The following RYR1 variants were observed in gnomAD, a reference collection of about 807,000 sequenced individuals.
RYR1 encodes ryanodine receptor 1.
RYR1 carries 342 observed loss-of-function variants against 583.5 expected under a neutral mutation model. The ratio of observed to expected loss-of-function variants is 0.59; its 90% CI spans 0.54 to 0.64. The LOEUF (loss-of-function observed/expected upper bound fraction) is 0.64. Ranked by LOEUF, RYR1 falls within the 30% of genes least tolerant of loss-of-function variation. The pLI is 0.00. For synonymous variants in RYR1, 2,791 were observed against 2,822.5 expected, an observed-to-expected ratio of 0.99 and a Z score of 0.35; for missense variants, 6,032 against 6,917.2, an observed-to-expected ratio of 0.87 and a Z score of 4.54.
chr19:38,447,401 T>C (rs964145524), intron 9 of RYR1, among the ~76,000 whole-genome samples: 4 of 149,528 alleles, frequency 2.7e-5, no homozygotes, highest in Non-Finnish European at 5.9e-5. Flanking sequence ...ATTTGCCTGG[T>C]GTGGTGGTGG....
chr19:38,504,810 GC>G lies in RYR1; in HGVS notation c.8136del (p.Asp2713ThrfsTer33). 1 of 1,614,014 alleles carries G rather than the reference GC, an allele frequency of 6.2e-7. No individual in the cohort carries two copies. Among genetic ancestry groups the G allele is most frequent in the Non-Finnish European group, 8.5e-7 (1 of 1,179,992 alleles). The stretch of plus-strand genomic sequence containing the variant: ...GTCTGTGCGCCATTGCCGGGGCTCT[GC>G]CCCCCGACTATGTGGATGCCTCATA... The part of the protein sequence containing the change: ...PCLCAIAGAL[P>X]PDYVDASYSS... On this transcript the variant is annotated frameshift_variant, in exon 51 of 106. Coordinates refer to ENST00000359596, the MANE Select transcript of RYR1 (RefSeq NM_000540.3). LOFTEE classifies it high-confidence loss of function.
chr19:38,460,283 T>C (rs982750730), intron 19 of RYR1, 92 bp from the exon 20 acceptor site: 7 of 1,208,018 alleles, frequency 5.8e-6, no homozygotes, highest in Admixed American at 5.1e-5. Context: ...GAACTTTCCA[T>C]TGATCCCAGG....
chr19:38,504,189 A>G (rs1481578914), intron 49 of RYR1, 31 bp from the exon 50 acceptor site: 20 of 1,595,074 alleles, frequency 1.3e-5, no homozygotes, highest in Non-Finnish European at 1.7e-5. Flanking sequence ...TGCCCCCCTC[A>G]TTTGTGTGTC....
rs899136935 is a variant in RYR1 at position 38,519,131 on chromosome 19, T to C, written c.10019-83T>C. 9.9e-6 allele frequency: 16 copies of C among 1,609,152 alleles called. No homozygotes were observed. In the African/African-American group the frequency reaches 2.1e-4, roughly 22 times the overall value. On this transcript the variant is annotated intron_variant, in intron 66 of 105. Coordinates refer to ENST00000359596, the MANE Select transcript of RYR1 (RefSeq NM_000540.3). Reference sequence around the variant, plus strand: ...ATGGCAGCTGCTAGGTTGGAGATGCTGTTTGGGAGTCGGGCTGGGAACGGA... The same window carrying C: ...ATGGCAGCTGCTAGGTTGGAGATGCCGTTTGGGAGTCGGGCTGGGAACGGA...
chr19:38,543,510 AC>A lies in RYR1; in HGVS notation c.11779-21del, dbSNP rs759670631. 1 of 1,613,988 alleles carries A rather than the reference AC, an allele frequency of 6.2e-7. No individual in the cohort carries two copies. Among genetic ancestry groups the A allele is most frequent in the Admixed American group, 1.7e-5 (1 of 59,998 alleles). ...CCATGGTCGGCCCCAGCACCCCCTC[AC>A]ACCCTACCCGCCCCCACCAGGAATC... On this transcript the variant is annotated intron_variant, in intron 85 of 105. Coordinates refer to ENST00000359596, the MANE Select transcript of RYR1 (RefSeq NM_000540.3). This position sits in a 1 kb window ranked among gnomAD's most constrained non-coding sequence, Gnocchi z 4.4.
chr19:38,562,772 G>A lies in RYR1; in HGVS notation c.12624+1318G>A, dbSNP rs546158815. On this transcript the variant is annotated intron_variant, in intron 90 of 105. Coordinates refer to ENST00000359596, the MANE Select transcript of RYR1 (RefSeq NM_000540.3). ...TTGCACACCTGCCCCGTGTGCCCACGTCCACCGTGCACACTGAGCCTCTCG... is the reference window on the plus strand; with the variant it reads ...TTGCACACCTGCCCCGTGTGCCCACATCCACCGTGCACACTGAGCCTCTCG... Among the ~76,000 whole-genome samples the A allele has an allele frequency of 4.6e-5, 7 of 152,198 alleles. No homozygotes were observed. The East Asian group carries it at 5.8e-4, about 13-fold the overall frequency.
rs2302297 is a variant in RYR1 at position 38,586,114 on chromosome 19, C to T, written c.14892C>T (p.Ile4964=). The T allele has an allele frequency of 1.5e-5, 24 of 1,614,000 alleles. No individual in the cohort carries two copies. The highest frequency in any genetic ancestry group is 3.3e-4 in the Middle Eastern group (2 of 6,082). Residue 4964 remains isoleucine, a synonymous_variant, in exon 104 of 106, where the codon ATC becomes ATT. Coordinates refer to ENST00000359596, the MANE Select transcript of RYR1 (RefSeq NM_000540.3). ...DMETKCFICG[I]GSDYFDTTPH... ...AGACCAAGTGCTTCATCTGTGGAAT[C>T]GGCAGTGACTACTTTGATACGACAC...
chr19:38,503,465 C>G (rs1216380970), intron 49 of RYR1, among the ~76,000 whole-genome samples: 2 of 152,162 alleles, frequency 1.3e-5, no homozygotes, highest in Non-Finnish European at 2.9e-5. Flanking sequence ...ACATCGAAAT[C>G]AGCTCCTATT....
chr19:38,559,221 T>C (rs370917330), intron 89 of RYR1, among the ~76,000 whole-genome samples: 1,647 of 142,550 alleles, frequency 0.012, 33 homozygotes, highest in African/African-American at 0.04. Context: ...TGTGGAGAGG[T>C]GGGCTTCTTT....
At chr19:38,548,146 T>C (rs1972512005) in intron 88 of RYR1, 87 bp from the exon 89 acceptor site, 1 of 1,432,220 alleles carries the variant, frequency 7.0e-7, no homozygotes, top group African/African-American at 1.4e-5. Flanking sequence ...AGCAGCGTGG[T>C]GGCTCCTGGG....
At chr19:38,505,147 TTCCCTGAGGCCCCAGATC>T (rs1223509518) in intron 52 of RYR1, 66 bp downstream of exon 52, 4 of 1,456,744 alleles carry the variant, frequency 2.7e-6, no homozygotes, top group Admixed American at 1.7e-5. Flanking sequence ...GACCTGGTTC[TTCCCTGAGGCCCCAGATC>T]TCCCTGAGAC....
Position 38,512,138 on chromosome 19 carries a change from G to T in RYR1, c.9233+6G>T, listed in dbSNP as rs1970756093. 1.2e-6 allele frequency: 2 copies of T among 1,614,040 alleles called. No individual in the cohort carries two copies. Among genetic ancestry groups the T allele is most frequent in the African/African-American group, 1.3e-5 (1 of 74,916 alleles). On this transcript the variant is annotated splice_donor_region_variant and intron_variant, in intron 62 of 105. Coordinates refer to ENST00000359596, the MANE Select transcript of RYR1 (RefSeq NM_000540.3). The surrounding 1 kb of genome is among the most constrained non-coding windows in gnomAD (Gnocchi z 5.1). The stretch of plus-strand genomic sequence containing the variant: ...GCCCGCTCCCTGGATGCCAGGTAGG[G>T]CCATAGGCAGTGGCGCCCACTCCCA...
At chr19:38,446,859 T>A (rs1972968663) in intron 9 of RYR1, 91 bp downstream of exon 9, 1 of 1,019,332 alleles carries the variant, frequency 9.8e-7, no homozygotes, top group East Asian at 2.5e-5. Context: ...GAAGATCTGA[T>A]AAAGAGACTG....
chr19:38,519,403 G>A lies in RYR1; in HGVS notation c.10208G>A (p.Arg3403Gln), dbSNP rs777437090. 2.5e-6 allele frequency: 4 copies of A among 1,603,222 alleles called. No homozygotes were observed. The South Asian group carries it at 3.3e-5, about 13-fold the overall frequency. Residue 3403 changes from arginine to glutamine, a missense_variant, in exon 67 of 106, where the codon CGG becomes CAG. Physicochemically the swap from Arg to Gln is conservative, Grantham distance 43. Transcript: ENST00000359596. ...CGGGACGAGTTCTCTGTGCTCTGCC[G>A]GGACCTCTACGCCCTGTATCCGCTG... is the stretch of plus-strand genomic sequence containing the variant. ...LVRDEFSVLCRDLYALYPLLI... is the reference protein window; with the variant it reads ...LVRDEFSVLCQDLYALYPLLI...
chr19:38,497,641 A>G (rs1482835955), intron 42 of RYR1, among the ~76,000 whole-genome samples: 1 of 152,208 alleles, frequency 6.6e-6, no homozygotes, highest in East Asian at 1.9e-4. Context: ...ATGTAGTGTT[A>G]GCTTACCATA....
chr19:38,448,775 G>T lies in RYR1; in HGVS notation c.1084G>T (p.Asp362Tyr). Residue 362 changes from aspartate (D) to tyrosine (Y), a missense_variant, in exon 11 of 106, where the codon GAC becomes TAC. By Grantham distance (160) the Asp-to-Tyr change is radical (BLOSUM62 -3). This residue lies in a region of RYR1 where 338 missense variants were observed against 441.6 expected (regional missense o/e 0.77). Transcript: ENST00000359596. Reference protein sequence around the residue: ...SGLWLTYAAPDPKALRLGVLK... With the variant: ...SGLWLTYAAPYPKALRLGVLK... ...ACTGTGGCTCACCTATGCTGCTCCA[G>T]ACCCCAAGGCCCTGCGGCTCGGCGT... The T allele has an allele frequency of 6.2e-7, 1 of 1,614,182 alleles. No individual in the cohort carries two copies. Among genetic ancestry groups the T allele is most frequent in the Non-Finnish European group, 8.5e-7 (1 of 1,180,048 alleles).
At chr19:38,484,417 TTCCC>T (rs1969175206) in intron 33 of RYR1, among the ~76,000 whole-genome samples, 1 of 146,852 alleles carries the variant, frequency 6.8e-6, no homozygotes, top group African/African-American at 2.7e-5. Context: ...CCTTCCTTCC[TTCCC>T]CTCTCCCTCC....
At position 38,442,361 on chromosome 19, in the gene RYR1, G is replaced by A. The variant is rs118192160; in HGVS notation, c.178G>A (p.Asp60Asn). The change falls in exon 3 of 106, where the codon GAT becomes AAT. Residue 60 changes from aspartate to asparagine, a missense_variant. Around this residue, in one of 11 missense-constraint regions of RYR1, gnomAD observed 6 missense variants for 30.2 expected, o/e 0.20. Coordinates refer to ENST00000359596, the MANE Select transcript of RYR1 (RefSeq NM_000540.3). ...CCTCCCACCCCAGAATGTGCCCCCC[G>A]ATCTGGCCATCTGTTGCTTCGTCCT... is the stretch of plus-strand genomic sequence containing the variant. ...PTSNAQNVPP[D>N]LAICCFVLEQ... 12 of 1,580,018 alleles carry A rather than the reference G, an allele frequency of 7.6e-6. No homozygotes were observed. The highest frequency in any genetic ancestry group is 1.1e-5 in the South Asian group (1 of 90,370).
intron 102 of RYR1, 53 bp from the exon 103 acceptor site, chr19:38,585,885 G>A (rs1974462666): frequency 1.9e-6 from 3 of 1,607,320 alleles, no homozygotes; most frequent in Middle Eastern, 1.7e-4. Flanking sequence ...TGGAGAGGGG[G>A]GAGTCTGAAC....
Sources: allele counts gnomAD v4.1 joint callset (sites outside exome capture counted in the v4.1 genomes callset), GRCh38; gene constraint gnomAD v4.1.1; regional missense constraint gnomAD v4.1.1; non-coding constraint Gnocchi (gnomAD v3.1); transcripts MANE v1.5; gene names NCBI Gene and HGNC (gene_info 2026-07-23, HGNC 2026-07-21).